VEPH1: variants seen among roughly 807,000 people sequenced by gnomAD.
VEPH1 encodes the protein ventricular zone-expressed PH domain-containing protein homolog 1.
VEPH1 carries 80 observed loss-of-function variants against 85.2 expected under a neutral mutation model. The ratio of observed to expected loss-of-function variants is 0.94; its 90% CI spans 0.78 to 1.13. The LOEUF is 1.13. VEPH1 is among the 50% of genes most tolerant of loss of function. The pLI is 0.00. For synonymous variants in VEPH1, 297 were observed against 348.0 expected (o/e 0.85, Z 1.63); for missense variants, 955 against 980.5 (o/e 0.97, Z 0.35).
At chr3:157,297,040 G>C (rs1247497134) in intron 11 of VEPH1, among the ~76,000 whole-genome samples, 1 of 152,102 alleles carries the variant, frequency 6.6e-6, no homozygotes. Flanking sequence ...GGCTGAGGTG[G>C]GCAGATTGCT....
chr3:157,380,823 T>A (rs1728674151), intron 7 of VEPH1, among the ~76,000 whole-genome samples: 4 of 152,242 alleles, frequency 2.6e-5, no homozygotes, highest in Non-Finnish European at 5.9e-5. Flanking sequence ...AGCTTCCTGA[T>A]ACATAGTAAG....
chr3:157,490,495 G>C (rs1739129662), intron 2 of VEPH1, among the ~76,000 whole-genome samples: 2 of 151,884 alleles, frequency 1.3e-5, no homozygotes, highest in Non-Finnish European at 2.9e-5. Flanking sequence ...AAAACAAATG[G>C]CATACAGCAA....
intron 2 of VEPH1, among the ~76,000 whole-genome samples, chr3:157,488,227 A>G (rs751723128): frequency 6.6e-6 from 1 of 152,054 alleles, no homozygotes; most frequent in Non-Finnish European, 1.5e-5. Flanking sequence ...TCTTTATGGG[A>G]AAATGCCCAG....
intron 9 of VEPH1, among the ~76,000 whole-genome samples, chr3:157,325,987 T>C (rs963812442): frequency 1.3e-5 from 2 of 152,216 alleles, no homozygotes; most frequent in African/African-American, 4.8e-5. Context: ...TTCCATTTCT[T>C]TGTGTCATCT....
intron 5 of VEPH1, among the ~76,000 whole-genome samples, chr3:157,415,571 T>TTC (rs1371783505): frequency 6.6e-6 from 1 of 152,084 alleles, no homozygotes; most frequent in Non-Finnish European, 1.5e-5. Flanking sequence ...ATCCAATCTC[T>TTC]TCTCAGCTTT....
At chr3:157,340,379 C>T (rs902119617) in intron 9 of VEPH1, among the ~76,000 whole-genome samples, 13 of 152,222 alleles carry the variant, frequency 8.5e-5, no homozygotes, top group Admixed American at 3.9e-4. Context: ...GATTATATCC[C>T]GCACCTGGCT....
rs1482211628 is a variant in VEPH1 at position 157,261,145 on chromosome 3, T to C, written c.2491A>G (p.Thr831Ala). The change falls in exon 14 of 14, where the codon ACA becomes GCA. Residue 831 changes from threonine (T) to alanine (A), a missense_variant. Thr to Ala is a moderately conservative substitution (Grantham distance 58). Coordinates refer to ENST00000362010, the MANE Select transcript of VEPH1 (RefSeq NM_001167912.2). ...AKERESREVT[T>A]YL is the part of the protein sequence containing the mutation. ...TGACTTATAAATCCCTACAGATATG[T>C]GGTTACTTCTCTACTTTCCCTTTCT... 2 of 1,613,586 alleles carry C rather than the reference T, an allele frequency of 1.2e-6. No homozygotes were observed. Among genetic ancestry groups the C allele is most frequent in the South Asian group, 1.1e-5 (1 of 91,076 alleles).
intron 4 of VEPH1, among the ~76,000 whole-genome samples, chr3:157,453,485 G>A (rs1012239605): frequency 6.6e-6 from 1 of 152,152 alleles, no homozygotes; most frequent in Non-Finnish European, 1.5e-5. Context: ...AGAAATGCAT[G>A]CAGTAAATTT....
intron 12 of VEPH1, among the ~76,000 whole-genome samples, chr3:157,277,437 T>C (rs939721048): frequency 6.6e-6 from 1 of 152,236 alleles, no homozygotes; most frequent in Non-Finnish European, 1.5e-5. Context: ...AGGACCAACT[T>C]GTTTGGGTTG....
intron 12 of VEPH1, among the ~76,000 whole-genome samples, chr3:157,272,389 T>TC: frequency 2.2e-5 from 3 of 138,598 alleles, no homozygotes; most frequent in Non-Finnish European, 3.1e-5. Flanking sequence ...CTTTCTTTCT[T>TC]TCTTTCTTTC....
chr3:157,494,892 C>T (rs920796101), intron 2 of VEPH1, among the ~76,000 whole-genome samples: 11 of 152,064 alleles, frequency 7.2e-5, no homozygotes, highest in African/African-American at 2.7e-4. Flanking sequence ...GGATTGGCTC[C>T]CTCTCCTCTC....
At chr3:157,442,778 T>C in intron 4 of VEPH1, 3 of 1,614,234 alleles carry the variant, frequency 1.9e-6, no homozygotes, top group Non-Finnish European at 2.5e-6. Flanking sequence ...AAGAAAAGAA[T>C]GGCTGCTGTG....
intron 9 of VEPH1, among the ~76,000 whole-genome samples, chr3:157,336,433 C>T (rs927910483): frequency 3.3e-5 from 5 of 152,136 alleles, no homozygotes; most frequent in Non-Finnish European, 7.4e-5. Flanking sequence ...TCCTATATGG[C>T]ACCTCTCTTG....
chr3:157,499,173 C>A (rs556855637), intron 1 of VEPH1, among the ~76,000 whole-genome samples: 1 of 151,746 alleles, frequency 6.6e-6, no homozygotes, highest in African/African-American at 2.4e-5. Context: ...ATTCTTACAG[C>A]CTTTAATTTG....
intron 2 of VEPH1, among the ~76,000 whole-genome samples, chr3:157,471,259 G>A (rs915952580): frequency 1.3e-5 from 2 of 152,166 alleles, no homozygotes; most frequent in Admixed American, 6.5e-5. Flanking sequence ...GGGAAGTGAT[G>A]GGGTTTTTCG....
chr3:157,371,924 C>T (rs1036666083), intron 7 of VEPH1, among the ~76,000 whole-genome samples: 4 of 151,972 alleles, frequency 2.6e-5, no homozygotes, highest in African/African-American at 7.3e-5. Flanking sequence ...AGAAGACGGC[C>T]GCCCCATCCT....
chr3:157,420,626 A>G (rs1382139194), intron 5 of VEPH1, among the ~76,000 whole-genome samples: 1 of 152,196 alleles, frequency 6.6e-6, no homozygotes, highest in African/African-American at 2.4e-5. Context: ...TGTTCTGCAA[A>G]TGACTTCTTA....
intron 4 of VEPH1, chr3:157,437,567 T>G (rs1246565611): frequency 6.2e-7 from 1 of 1,601,750 alleles, no homozygotes; most frequent in Non-Finnish European, 8.5e-7. Flanking sequence ...CTCTTCATCA[T>G]GCTGGAGAAC....
intron 4 of VEPH1, among the ~76,000 whole-genome samples, chr3:157,438,716 G>A (rs1182289564): frequency 6.6e-6 from 1 of 152,188 alleles, no homozygotes; most frequent in Non-Finnish European, 1.5e-5. Flanking sequence ...GACACTCCAT[G>A]AATCTCCAAA....
Sources: allele counts gnomAD v4.1 joint callset (sites outside exome capture counted in the v4.1 genomes callset), GRCh38; gene constraint gnomAD v4.1.1; transcripts MANE v1.5; gene names NCBI Gene and HGNC (gene_info 2026-07-23, HGNC 2026-07-21).